Variants in CFAP46 observed in about 807,000 individuals in gnomAD.
CFAP46 encodes the protein cilia- and flagella-associated protein 46.
Under a neutral mutation model 325.7 loss-of-function variants are expected in CFAP46, and 245 were observed. The observed-to-expected ratio is 0.75, with a 90% CI of 0.68 to 0.84. The LOEUF is 0.84. Ranked by LOEUF, CFAP46 falls within the 40% of genes least tolerant of loss-of-function variation. The pLI, the probability that CFAP46 is intolerant of heterozygous loss-of-function variation, is 0.00. For missense variants in CFAP46, 3,346 were observed against 3,543.0 expected (o/e 0.94, Z 1.41); for synonymous variants, 1,523 against 1,495.9 (o/e 1.02, Z -0.42).
At chr10:132,915,047 C>A (rs936455673) in intron 17 of CFAP46, among the ~76,000 whole-genome samples, 2 of 152,260 alleles carry the variant, frequency 1.3e-5, no homozygotes, top group African/African-American at 4.8e-5. Context: ...TCCCGCTAGA[C>A]CAGGCTGGGC....
At chr10:132,924,539 C>T (rs903286239) in intron 11 of CFAP46, among the ~76,000 whole-genome samples, 157 bp downstream of exon 11, 2 of 152,234 alleles carry the variant, frequency 1.3e-5, no homozygotes, top group Admixed American at 6.5e-5. Flanking sequence ...CGTGCCTGGC[C>T]CGGAGCTGGG....
At chr10:132,941,140 C>G in intron 3 of CFAP46, 80 bp from the exon 4 acceptor site, 1 of 1,460,906 alleles carries the variant, frequency 6.8e-7, no homozygotes, top group South Asian at 1.1e-5. Context: ...CCACGGCTCC[C>G]TCACGGTTGG....
intron 16 of CFAP46, among the ~76,000 whole-genome samples, chr10:132,917,388 G>A (rs114344875): frequency 0.011 from 1,651 of 152,310 alleles, 28 homozygotes; most frequent in African/African-American, 0.036. Flanking sequence ...GCTCGGACCC[G>A]AGGTCCCAGG....
chr10:132,922,677 T>C lies in CFAP46; in HGVS notation c.1288A>G (p.Met430Val), dbSNP rs1233665771. 1 of 1,549,762 alleles carries C rather than the reference T, an allele frequency of 6.5e-7. No individual in the cohort carries two copies. Among genetic ancestry groups the C allele is most frequent in the Non-Finnish European group, 8.7e-7 (1 of 1,146,614 alleles). ...LMTLLRCQVH[M>V]EMAQIEEDED... ...TCCTCCTCGATCTGCGCCATCTCCA[T>C]GTGCACTTGACAGCGGAGAAGCGTC... Residue 430 changes from methionine (M) to valine (V), a missense_variant, in exon 12 of 58, where the codon ATG (methionine) becomes GTG (valine). Transcript: ENST00000368586.
intron 48 of CFAP46, 89 bp downstream of exon 48, chr10:132,834,565 A>G: frequency 6.5e-7 from 1 of 1,534,620 alleles, no homozygotes; most frequent in Non-Finnish European, 8.8e-7. Context: ...GAGAAGGCAC[A>G]GCAAGCACAC....
In CFAP46 at chr10:132,831,792, C is replaced by T. The variant is rs112328937; in HGVS notation, c.7117+1566G>A. 4.5e-3 allele frequency among the ~76,000 whole-genome samples: 685 copies of T among 152,150 alleles called. 9 individuals are homozygous for T. The highest frequency in any genetic ancestry group is 0.015 in the African/African-American group (629 of 41,518). ...TATTTGTTTTTCTTATTTTTCCTAT[C>T]TGTTCTCTGTTCCCTTTTTTTCTGT... On this transcript the variant is annotated intron_variant, in intron 50 of 57. Coordinates refer to ENST00000368586, the MANE Select transcript of CFAP46 (RefSeq NM_001200049.3).
intron 27 of CFAP46, among the ~76,000 whole-genome samples, chr10:132,881,332 TTCC>T (rs1371300281): frequency 2.0e-5 from 3 of 151,998 alleles, no homozygotes; most frequent in Non-Finnish European, 4.4e-5. Context: ...TCCCCAGACA[TTCC>T]CTGCACCGCA....
rs149742494 is a variant in CFAP46 at position 132,869,329 on chromosome 10, C to T, written c.4555G>A (p.Ala1519Thr). Residue 1519 changes from alanine (A) to threonine (T), a missense_variant, in exon 33 of 58, where the codon GCG becomes ACG. Physicochemically the swap from Ala to Thr is moderately conservative, Grantham distance 58 (BLOSUM62 0). Coordinates refer to ENST00000368586, the MANE Select transcript of CFAP46 (RefSeq NM_001200049.3). The surrounding 1 kb of genome is among the most constrained non-coding windows in gnomAD (Gnocchi z 6.2). The stretch of plus-strand genomic sequence containing the variant: ...TGCCCGACCGCCTCTTCATGGCGCG[C>T]GGCTGCTTCTCTCAGCTTCAGCTCG... ...CSELKLREAAARHEEAVGQVC... is the reference protein window; with the variant it reads ...CSELKLREAATRHEEAVGQVC... The T allele has an allele frequency of 0.012, 17,805 of 1,537,284 alleles. 223 individuals are homozygous for T. The highest frequency in any genetic ancestry group is 0.056 in the Middle Eastern group (315 of 5,648).
At chr10:132,821,888 TGA>T (rs1847845730) in intron 50 of CFAP46, among the ~76,000 whole-genome samples, 1 of 142,468 alleles carries the variant, frequency 7.0e-6, no homozygotes, top group African/African-American at 2.7e-5. Flanking sequence ...GTGTGTGCAG[TGA>T]TGTGTGTTGT....
intron 20 of CFAP46, among the ~76,000 whole-genome samples, 200 bp from the exon 21 acceptor site, chr10:132,909,444 C>T (rs1012139975): frequency 6.6e-6 from 1 of 152,252 alleles, no homozygotes; most frequent in African/African-American, 2.4e-5. Flanking sequence ...CAAGTCCGTG[C>T]GGCCCCCATG....
At chr10:132,821,754 CTGTG>C (rs1366404848) in intron 50 of CFAP46, among the ~76,000 whole-genome samples, 3 of 111,110 alleles carry the variant, frequency 2.7e-5, no homozygotes, top group Non-Finnish European at 5.3e-5. Context: ...CTGATGTGTG[CTGTG>C]TGTGTGCTGT....
chr10:132,923,555 G>A (rs1251226208), intron 11 of CFAP46, among the ~76,000 whole-genome samples: 2 of 149,744 alleles, frequency 1.3e-5, no homozygotes, highest in East Asian at 2.0e-4. Context: ...ATGTGGGGGT[G>A]CCCTGGAACC....
chr10:132,889,239 G>A lies in CFAP46; in HGVS notation c.3304+3094C>T, dbSNP rs1019873066. Among the ~76,000 whole-genome samples the A allele has an allele frequency of 3.9e-5, 6 of 152,164 alleles. No individual in the cohort carries two copies. Among genetic ancestry groups the A allele is most frequent in the African/African-American group, 1.4e-4 (6 of 41,432 alleles). ...CAGCACCTGGACCACCGAGGCTTAC[G>A]TCACAGAGTGTGGAGACTTCTTTCC... On this transcript the variant is annotated intron_variant, in intron 25 of 57. Transcript: ENST00000368586. This position sits in a 1 kb window ranked among gnomAD's most constrained non-coding sequence, Gnocchi z 6.0.
intron 48 of CFAP46, 126 bp downstream of exon 48, chr10:132,834,528 G>A (rs1022383462): frequency 2.5e-5 from 33 of 1,337,774 alleles, no homozygotes; most frequent in African/African-American, 8.8e-5. Context: ...GCAGGCAGGC[G>A]GCGCCGAGTC....
intron 49 of CFAP46, among the ~76,000 whole-genome samples, chr10:132,833,828 G>A (rs971258626): frequency 6.6e-6 from 1 of 152,230 alleles, no homozygotes; most frequent in Non-Finnish European, 1.5e-5. Context: ...TTGGCACAGA[G>A]CCTCCTACCC....
Position 132,886,026 on chromosome 10 carries a change from C to T in CFAP46, c.3305-67G>A, listed in dbSNP as rs1849125784. On this transcript the variant is annotated intron_variant, in intron 25 of 57. Coordinates refer to ENST00000368586, the MANE Select transcript of CFAP46 (RefSeq NM_001200049.3). The surrounding 1 kb of genome is among the most constrained non-coding windows in gnomAD (Gnocchi z 5.8). ...CCTCATCAAAGGCGCCCTCGGACCT[C>T]CCAGACTAAGCTGCCCATCACAGTG... 6.6e-7 allele frequency: 1 copy of T among 1,525,734 alleles called. No individual in the cohort carries two copies. The highest frequency in any genetic ancestry group is 1.4e-5 in the African/African-American group (1 of 72,668). 94.5% of individuals were successfully genotyped at this position (1,525,734 alleles called of 1,614,324 possible). A position where few individuals can be genotyped will look rare whatever the true frequency, so the allele number is the denominator to read the frequency against.
At chr10:132,812,751 G>A (rs372149461) in intron 55 of CFAP46, 34 bp downstream of exon 55, 54 of 1,530,712 alleles carry the variant, frequency 3.5e-5, no homozygotes, top group African/African-American at 1.6e-4. Flanking sequence ...TCCTGTGCCC[G>A]CGGGGGAGGG....
chr10:132,831,440 A>G (rs1848145499), intron 50 of CFAP46, among the ~76,000 whole-genome samples: 2 of 152,136 alleles, frequency 1.3e-5, no homozygotes, highest in African/African-American at 2.4e-5. Flanking sequence ...ATGTACAGAC[A>G]CTGAGGTTTC....
At chr10:132,871,876 G>A (rs1374794091) in intron 32 of CFAP46, among the ~76,000 whole-genome samples, 1 of 152,190 alleles carries the variant, frequency 6.6e-6, no homozygotes. Flanking sequence ...TTCTGCCATG[G>A]GTAAAATTCC....
Sources: allele counts gnomAD v4.1 joint callset (sites outside exome capture counted in the v4.1 genomes callset), GRCh38; gene constraint gnomAD v4.1.1; non-coding constraint Gnocchi (gnomAD v3.1); transcripts MANE v1.5; gene names NCBI Gene and HGNC (gene_info 2026-07-23, HGNC 2026-07-21).